The following SCHIP1 variants were observed in gnomAD, a reference collection of about 807,000 sequenced individuals.
SCHIP1 encodes the protein schwannomin interacting protein 1, also known as schwannomin-interacting protein 1.
A neutral mutation model predicts 29.7 loss-of-function variants in SCHIP1; 8 were observed. The ratio of observed to expected loss-of-function variants is 0.27; its 90% CI spans 0.16 to 0.49. The LOEUF (loss-of-function observed/expected upper bound fraction) is 0.49, where lower values mean the gene tolerates loss of function less well. SCHIP1 is among the 20% of genes least tolerant of loss of function. The pLI, the probability that SCHIP1 is intolerant of heterozygous loss-of-function variation, is 0.99. For missense variants in SCHIP1, 193 were observed against 294.6 expected (o/e 0.66, Z 2.52); for synonymous variants, 76 against 94.9 (o/e 0.80, Z 1.16).
chr3:159,636,676 G>A, the SCHIP1 span, among the ~76,000 whole-genome samples: 5 of 152,246 alleles, frequency 3.3e-5, 1 homozygote, highest in South Asian at 1.0e-3. Flanking sequence ...ATTCATCATA[G>A]GTTAAAACAT....
chr3:159,548,228 T>G, the SCHIP1 span, among the ~76,000 whole-genome samples: 9 of 152,178 alleles, frequency 5.9e-5, no homozygotes, highest in East Asian at 1.7e-3. Context: ...AGCCTGAAGT[T>G]TTCTAAAGAT....
chr3:159,764,254 C>G, the SCHIP1 span: 6 of 573,866 alleles, frequency 1.0e-5, no homozygotes, highest in African/African-American at 1.9e-5. This position sits in a 1 kb window ranked among gnomAD's most constrained non-coding sequence, Gnocchi z 6.1. Context: ...TCTGGTTGTG[C>G]GAGAGGAAAG....
At chr3:159,765,847 G>C in the SCHIP1 span, 1 of 152,156 alleles carries the variant, frequency 6.6e-6, no homozygotes, top group African/African-American at 2.4e-5. Context: ...TTTTGATAAC[G>C]GAGCCACTTA....
At chr3:159,579,343 A>G in the SCHIP1 span, among the ~76,000 whole-genome samples, 1 of 152,220 alleles carries the variant, frequency 6.6e-6, no homozygotes, top group Non-Finnish European at 1.5e-5. Context: ...TATAAAGGAT[A>G]AAGTCTGGGC....
At chr3:159,799,301 A>G in the SCHIP1 span, among the ~76,000 whole-genome samples, 1 of 152,382 alleles carries the variant, frequency 6.6e-6, no homozygotes, top group Admixed American at 6.5e-5. Context: ...GAAAAGAAGC[A>G]GACTTCAGGG....
the SCHIP1 span, among the ~76,000 whole-genome samples, chr3:159,797,106 C>G: frequency 6.6e-6 from 1 of 152,296 alleles, no homozygotes; most frequent in Non-Finnish European, 1.5e-5. Flanking sequence ...GTAAAATCCT[C>G]TAGATTAATA....
the SCHIP1 span, among the ~76,000 whole-genome samples, chr3:159,796,005 G>T: frequency 6.6e-6 from 1 of 152,204 alleles, no homozygotes; most frequent in African/African-American, 2.4e-5. Flanking sequence ...GCATTTTAAA[G>T]GAAGCAAGCC....
At chr3:159,650,945 G>A in the SCHIP1 span, among the ~76,000 whole-genome samples, 525 of 152,274 alleles carry the variant, frequency 3.4e-3, 6 homozygotes, top group African/African-American at 0.012. Context: ...TGAATGTTGT[G>A]TCTGCTACAC....
the SCHIP1 span, among the ~76,000 whole-genome samples, chr3:159,354,955 T>G: frequency 6.6e-6 from 1 of 152,222 alleles, no homozygotes; most frequent in Non-Finnish European, 1.5e-5. Flanking sequence ...AGATGCTAAA[T>G]GTACACATAT....
the SCHIP1 span, among the ~76,000 whole-genome samples, chr3:159,726,798 C>T: frequency 3.9e-5 from 6 of 152,190 alleles, no homozygotes; most frequent in East Asian, 1.9e-4. Context: ...TGCCATTTCC[C>T]AGGTGCAAAC....
the SCHIP1 span, among the ~76,000 whole-genome samples, chr3:159,393,694 C>T: frequency 1.3e-5 from 2 of 150,666 alleles, no homozygotes; most frequent in African/African-American, 2.4e-5. Context: ...GGTACCAGTA[C>T]CATGCTGTTT....
chr3:159,460,650 CTCT>C, the SCHIP1 span, among the ~76,000 whole-genome samples: 5 of 152,148 alleles, frequency 3.3e-5, no homozygotes, highest in African/African-American at 1.2e-4. Context: ...CTGAGAACAA[CTCT>C]TCTTGTTTCT....
chr3:159,652,792 T>C, the SCHIP1 span, among the ~76,000 whole-genome samples: 1 of 152,170 alleles, frequency 6.6e-6, no homozygotes, highest in South Asian at 2.1e-4. Flanking sequence ...ATCTTTAAAA[T>C]TGACCATTTA....
the SCHIP1 span, among the ~76,000 whole-genome samples, chr3:159,626,926 A>C: frequency 2.0e-5 from 3 of 152,212 alleles, no homozygotes; most frequent in Admixed American, 2.0e-4. Context: ...CAGGTTTTTT[A>C]CATAGCTATA....
chr3:159,367,586 T>C, the SCHIP1 span, among the ~76,000 whole-genome samples: 1 of 152,218 alleles, frequency 6.6e-6, no homozygotes, highest in Non-Finnish European at 1.5e-5. Flanking sequence ...AATAGATGCA[T>C]AACTGCATAT....
At chr3:159,736,623 G>T in the SCHIP1 span, among the ~76,000 whole-genome samples, 6 of 152,112 alleles carry the variant, frequency 3.9e-5, no homozygotes, top group Admixed American at 3.3e-4. Context: ...AGGAACCATG[G>T]CTACCTACCC....
At chr3:159,417,019 G>T in the SCHIP1 span, among the ~76,000 whole-genome samples, 1 of 152,146 alleles carries the variant, frequency 6.6e-6, no homozygotes, top group Non-Finnish European at 1.5e-5. Flanking sequence ...GATGATTCTG[G>T]CCAACCTCAA....
chr3:159,489,840 G>A, the SCHIP1 span, among the ~76,000 whole-genome samples: 4 of 152,130 alleles, frequency 2.6e-5, no homozygotes, highest in Non-Finnish European at 5.9e-5. Flanking sequence ...AGGTGGTGGT[G>A]AAACAATGCA....
At chr3:159,616,851 T>C in the SCHIP1 span, among the ~76,000 whole-genome samples, 1 of 152,186 alleles carries the variant, frequency 6.6e-6, no homozygotes, top group African/African-American at 2.4e-5. Context: ...CATCTAGATC[T>C]GCATTGTCCA....
Sources: gnomAD v4.1 joint callset for allele counts (sites outside exome capture counted in the v4.1 genomes callset) on GRCh38, gnomAD v4.1.1 for gene constraint, Gnocchi (gnomAD v3.1) non-coding constraint, MANE v1.5 for transcripts, NCBI Gene and HGNC (gene_info 2026-07-23, HGNC 2026-07-21) for gene names.